RBFOX1: variants seen among roughly 807,000 people sequenced by gnomAD.
RBFOX1 encodes the protein RNA binding fox-1 homolog 1.
Under a neutral mutation model 57.7 loss-of-function variants are expected in RBFOX1, and 8 were observed. That is an observed-to-expected ratio of 0.14 (90% CI 0.08 to 0.25). The LOEUF is 0.25. RBFOX1 is among the 10% of genes least tolerant of loss of function. RBFOX1 has a pLI of 1.00. For synonymous variants in RBFOX1, 326 were observed against 222.4 expected, an observed-to-expected ratio of 1.47 and a Z score of -4.15; for missense variants, 611 against 548.5, an observed-to-expected ratio of 1.11 and a Z score of -1.14.
chr16:5,422,724 G>A (rs971872565), intron 1 of RBFOX1, among the ~76,000 whole-genome samples: 1 of 136,866 alleles, frequency 7.3e-6, no homozygotes, highest in Non-Finnish European at 1.6e-5. Flanking sequence ...GAGGAGGAGG[G>A]AGAGGGAGCA....
At chr16:7,382,229 T>G (rs2097792554) in intron 4 of RBFOX1, among the ~76,000 whole-genome samples, 1 of 152,218 alleles carries the variant, frequency 6.6e-6, no homozygotes, top group African/African-American at 2.4e-5. Flanking sequence ...AAACTAATCC[T>G]ATCTGGACTC....
chr16:5,697,820 G>C (rs1450166374), intron 3 of RBFOX1, among the ~76,000 whole-genome samples: 1 of 152,012 alleles, frequency 6.6e-6, no homozygotes, highest in African/African-American at 2.4e-5. Flanking sequence ...TTCCATCCCT[G>C]ACATTAGTGG....
At chr16:5,487,897 G>A (rs1228714253) in intron 2 of RBFOX1, among the ~76,000 whole-genome samples, 1 of 152,064 alleles carries the variant, frequency 6.6e-6, no homozygotes, top group African/African-American at 2.4e-5. Context: ...TGGTGATGAA[G>A]CTGTTGATAA....
intron 3 of RBFOX1, among the ~76,000 whole-genome samples, chr16:6,747,149 C>G (rs773510077): frequency 1.3e-5 from 2 of 152,142 alleles, no homozygotes; most frequent in Admixed American, 1.3e-4. Flanking sequence ...GTGGCTCACG[C>G]CTATAATCCC....
chr16:7,386,225 G>C (rs1159305995), intron 4 of RBFOX1, among the ~76,000 whole-genome samples: 1 of 152,100 alleles, frequency 6.6e-6, no homozygotes, highest in African/African-American at 2.4e-5. Flanking sequence ...TCTCACTAAA[G>C]TGCTTGAAGT....
chr16:6,763,573 G>C (rs1361385201), intron 3 of RBFOX1, among the ~76,000 whole-genome samples: 1 of 152,190 alleles, frequency 6.6e-6, no homozygotes, highest in Non-Finnish European at 1.5e-5. Flanking sequence ...TTCTTAATAA[G>C]CTATCATTGA....
intron 3 of RBFOX1, among the ~76,000 whole-genome samples, chr16:6,918,703 ATC>A (rs2073808605): frequency 6.6e-6 from 1 of 152,198 alleles, no homozygotes; most frequent in Non-Finnish European, 1.5e-5. Flanking sequence ...AGAGAAAGAA[ATC>A]ATTCTCTGCC....
rs987199834 is a variant in RBFOX1 at position 7,198,451 on chromosome 16, C to G, written c.27+146353C>G. Among the ~76,000 whole-genome samples the G allele has an allele frequency of 2.6e-5, 4 of 152,180 alleles. No homozygotes were observed. In the South Asian group the frequency reaches 6.2e-4, roughly 24 times the overall value. ...ATTTTATGTTATATGAATTCCACCT[C>G]CATTGCAAAAGAGATAAAATCAAAA... On this transcript the variant is annotated intron_variant, in intron 4 of 15. Coordinates refer to ENST00000550418, the MANE Select transcript of RBFOX1 (RefSeq NM_018723.4).
At chr16:5,276,517 G>T (rs577953851) in intron 1 of RBFOX1, among the ~76,000 whole-genome samples, 1 of 152,302 alleles carries the variant, frequency 6.6e-6, no homozygotes, top group East Asian at 1.9e-4. Flanking sequence ...AGGCGCCGTG[G>T]CTGACGCGTG....
intron 1 of RBFOX1, among the ~76,000 whole-genome samples, chr16:5,254,912 T>A (rs1430695672): frequency 1.3e-5 from 2 of 152,178 alleles, no homozygotes; most frequent in African/African-American, 4.8e-5. Flanking sequence ...CTGCAAGTAT[T>A]TGATAAGATC....
chr16:7,186,771 A>G lies in RBFOX1; in HGVS notation c.27+134673A>G, dbSNP rs545381699. Among the ~76,000 whole-genome samples, 24 of 151,052 alleles carry G rather than the reference A, an allele frequency of 1.6e-4. No individual in the cohort carries two copies. In the East Asian group the frequency reaches 4.3e-3, roughly 27 times the overall value. Reference sequence around the variant, plus strand: ...CAATGACATTATTATAACTAACAGCATTAACTTAAATCTATCCTGCCATCA... The same window carrying G: ...CAATGACATTATTATAACTAACAGCGTTAACTTAAATCTATCCTGCCATCA... On this transcript the variant is annotated intron_variant, in intron 4 of 15. Transcript: ENST00000550418.
chr16:5,862,213 C>T (rs999382051), intron 3 of RBFOX1, among the ~76,000 whole-genome samples: 1 of 152,204 alleles, frequency 6.6e-6, no homozygotes, highest in South Asian at 2.1e-4. Flanking sequence ...TGACTAGCAA[C>T]AGAAGTAATC....
intron 1 of RBFOX1, among the ~76,000 whole-genome samples, chr16:6,024,827 C>T (rs2095156363): frequency 6.6e-6 from 1 of 152,250 alleles, no homozygotes; most frequent in Non-Finnish European, 1.5e-5. Flanking sequence ...GTTCATCAGG[C>T]ACCCACTGTG....
rs528308214 is a variant in RBFOX1, at chr16:5,405,131, A to C, written c.220-62085A>C. 3.9e-5 allele frequency among the ~76,000 whole-genome samples: 6 copies of C among 152,322 alleles called. No individual in the cohort carries two copies. In the South Asian group the frequency reaches 1.2e-3, roughly 32 times the overall value. On this transcript the variant is annotated intron_variant, in intron 1 of 2. Transcript: ENST00000585867. ...TATTAAGTGTCAGAATGGGGATTTG[A>C]ACCTTGGCTCATAGGGCTCCTCACT...
chr16:6,823,787 A>G (rs4786121), intron 3 of RBFOX1, among the ~76,000 whole-genome samples: 113,502 of 152,018 alleles, frequency 0.75, 42,445 homozygotes, highest in East Asian at 0.86. Context: ...CAGATAGGAA[A>G]ACTAATAATA....
At chr16:5,380,219 G>A (rs1272584926) in intron 1 of RBFOX1, among the ~76,000 whole-genome samples, 1 of 152,196 alleles carries the variant, frequency 6.6e-6, no homozygotes, top group Non-Finnish European at 1.5e-5. Context: ...CATCTGACAT[G>A]CTGGAGTTTG....
rs553488067 is a variant in RBFOX1, at chr16:7,514,621, C to T, written c.28-3526C>T. Among the ~76,000 whole-genome samples the T allele has an allele frequency of 1.3e-3, 202 of 152,126 alleles. 1 individual carries two copies. Among genetic ancestry groups the T allele is most frequent in the African/African-American group, 4.6e-3 (190 of 41,508 alleles). On this transcript the variant is annotated intron_variant, in intron 4 of 15. Coordinates refer to ENST00000550418, the MANE Select transcript of RBFOX1 (RefSeq NM_018723.4). ...CCTGCTGGAGGAGGGACTCTTGATG[C>T]GGACTGAAGGAAGAGTAAGGACTAG...
intron 14 of RBFOX1, among the ~76,000 whole-genome samples, chr16:7,686,247 C>G (rs919238747): frequency 6.6e-6 from 1 of 151,652 alleles, no homozygotes; most frequent in Non-Finnish European, 1.5e-5. Flanking sequence ...TAATTTTTGA[C>G]TAAATACATT....
At chr16:7,228,711 C>T (rs2346610) in intron 4 of RBFOX1, among the ~76,000 whole-genome samples, 42,875 of 151,974 alleles carry the variant, frequency 0.28, 6,250 homozygotes, top group African/African-American at 0.34. Flanking sequence ...TTCAGGACGA[C>T]GTGAAAGAAC....
Sources: gnomAD v4.1 joint callset for allele counts (sites outside exome capture counted in the v4.1 genomes callset) on GRCh38, gnomAD v4.1.1 for gene constraint, MANE v1.5 for transcripts, NCBI Gene and HGNC (gene_info 2026-07-23, HGNC 2026-07-21) for gene names.